The following CSMD1 variants were observed in gnomAD, a reference collection of about 807,000 sequenced individuals.
CSMD1 encodes the protein CUB and Sushi multiple domains 1.
A neutral mutation model predicts 417.5 loss-of-function variants in CSMD1; 213 were observed. The ratio of observed to expected loss-of-function variants is 0.51; its 90% confidence interval spans 0.46 to 0.57. CSMD1 has a LOEUF of 0.57. Ranked by LOEUF, CSMD1 falls within the 20% of genes least tolerant of loss-of-function variation. CSMD1 has a pLI of 0.00. For missense variants in CSMD1, 6,923 were observed against 4,529.7 expected (o/e 1.53, Z -15.17); for synonymous variants, 2,862 against 1,736.8 (o/e 1.65, Z -16.11).
chr8:3,076,390 A>AGGACACCAGCCAC (rs375523321), intron 49 of CSMD1, among the ~76,000 whole-genome samples: 2 of 152,152 alleles, frequency 1.3e-5, no homozygotes, highest in Admixed American at 6.5e-5. Context: ...CTCTGTAAAG[A>AGGACACCAGCCAC]AAGACCCTGT....
intron 11 of CSMD1, among the ~76,000 whole-genome samples, chr8:3,483,651 T>C (rs1348946722): frequency 6.6e-6 from 1 of 152,082 alleles, no homozygotes; most frequent in African/African-American, 2.4e-5. Context: ...AGTATTCAAC[T>C]GATACCAAAG....
At chr8:4,068,766 T>C (rs1799391066) in intron 3 of CSMD1, among the ~76,000 whole-genome samples, 1 of 152,226 alleles carries the variant, frequency 6.6e-6, no homozygotes, top group Admixed American at 6.5e-5. Flanking sequence ...ATAATGATTT[T>C]CTGAACAGAT....
At chr8:3,287,745 C>T (rs1021982865) in intron 25 of CSMD1, among the ~76,000 whole-genome samples, 1 of 152,080 alleles carries the variant, frequency 6.6e-6, no homozygotes, top group South Asian at 2.1e-4. Context: ...ACGTCATCTG[C>T]CAACAGGGAC....
rs188023152 is a variant in CSMD1 at position 4,341,829 on chromosome 8, A to G, written c.415+78124T>C. 6.8e-4 allele frequency among the ~76,000 whole-genome samples: 103 copies of G among 152,262 alleles called. 2 individuals carry two copies. Among genetic ancestry groups the G allele is most frequent in the Admixed American group, 6.5e-3 (100 of 15,276 alleles). Reference sequence around the variant, plus strand: ...CACATGACTTAACGAGCACATCTGCATAATAACAGAAGGATGCTTCACCCA... The same window carrying G: ...CACATGACTTAACGAGCACATCTGCGTAATAACAGAAGGATGCTTCACCCA... On this transcript the variant is annotated intron_variant, in intron 3 of 69. Transcript: ENST00000635120.
At chr8:4,111,796 G>C (rs187154384) in intron 3 of CSMD1, among the ~76,000 whole-genome samples, 2 of 152,216 alleles carry the variant, frequency 1.3e-5, no homozygotes, top group South Asian at 2.1e-4. Flanking sequence ...GAGAGCATCA[G>C]GATAAATAGC....
chr8:4,300,508 G>A (rs537681831), intron 3 of CSMD1, among the ~76,000 whole-genome samples: 1 of 152,258 alleles, frequency 6.6e-6, no homozygotes, highest in South Asian at 2.1e-4. Context: ...TTAACTGAAG[G>A]AAATGTCCTT....
At chr8:3,028,267 G>C (rs1046639186) in intron 51 of CSMD1, among the ~76,000 whole-genome samples, 1 of 152,184 alleles carries the variant, frequency 6.6e-6, no homozygotes, top group Non-Finnish European at 1.5e-5. Context: ...CTCCTTACCG[G>C]TGCTAATGCT....
intron 26 of CSMD1, among the ~76,000 whole-genome samples, chr8:3,240,382 A>T (rs1799419029): frequency 6.6e-6 from 1 of 151,966 alleles, no homozygotes; most frequent in African/African-American, 2.4e-5. Flanking sequence ...TGGCAAAACC[A>T]GGTATCTAAA....
rs1563435226 is a variant in CSMD1, at chr8:4,312,423, G to GCATATATATACGCATATATATATA, written c.415+107529_415+107530insTATATATATATGCGTATATATATG. Among the ~76,000 whole-genome samples, 91 of 105,088 alleles carry GCATATATATACGCATATATATATA rather than the reference G, an allele frequency of 8.7e-4. 6 individuals carry two copies. The highest frequency in any genetic ancestry group is 6.7e-3 in the African/African-American group (86 of 12,812). The allele number at this position is 105,088 out of a possible 152,430, so 68.9% of individuals were successfully genotyped here. On this transcript the variant is annotated intron_variant, in intron 3 of 69. Coordinates refer to ENST00000635120, the MANE Select transcript of CSMD1 (RefSeq NM_033225.6). Reference sequence around the variant, plus strand: ...CATATATATGCGTGTATATATATGCGCGTATATATATATGCGTATATATAT... The same window carrying GCATATATATACGCATATATATATA: ...CATATATATGCGTGTATATATATGCGCATATATATACGCATATATATATACGTATATATATATGCGTATATATAT...
At chr8:3,374,953 G>A (rs967355989) in intron 18 of CSMD1, among the ~76,000 whole-genome samples, 13 of 152,148 alleles carry the variant, frequency 8.5e-5, no homozygotes, top group Admixed American at 8.5e-4. Flanking sequence ...ATGGGAGGAG[G>A]GCGGCAGTTG....
chr8:3,274,303 C>T (rs1407887890), intron 26 of CSMD1, among the ~76,000 whole-genome samples: 8 of 152,056 alleles, frequency 5.3e-5, no homozygotes, highest in African/African-American at 1.7e-4. Context: ...CAGTTTGTTA[C>T]AATTTCTGTT....
chr8:3,771,385 A>T (rs1584972141), intron 5 of CSMD1, among the ~76,000 whole-genome samples: 1 of 152,182 alleles, frequency 6.6e-6, no homozygotes, highest in East Asian at 1.9e-4. Context: ...CTGCAAAAAG[A>T]GTTTACAAAG....
At position 3,896,872 on chromosome 8, in the gene CSMD1, G is replaced by C. The variant is rs527364586; in HGVS notation, c.818+101031C>G. ...AGGAAAAAAATTTTAAAAAGCGCTTGTCTATCACCTAATTCTATTTGATGT... is the reference window on the plus strand; with the variant it reads ...AGGAAAAAAATTTTAAAAAGCGCTTCTCTATCACCTAATTCTATTTGATGT... On this transcript the variant is annotated intron_variant, in intron 5 of 69. Coordinates refer to ENST00000635120, the MANE Select transcript of CSMD1 (RefSeq NM_033225.6). Among the ~76,000 whole-genome samples the C allele has an allele frequency of 2.6e-5, 4 of 151,978 alleles. No individual in the cohort carries two copies. In the South Asian group the frequency reaches 6.2e-4, roughly 24 times the overall value.
intron 1 of CSMD1, among the ~76,000 whole-genome samples, chr8:4,955,228 A>C (rs569436245): frequency 2.0e-4 from 31 of 152,304 alleles, no homozygotes; most frequent in African/African-American, 7.0e-4. Flanking sequence ...AGTTTTCAGA[A>C]ATGTTGCAAT....
At chr8:3,021,785 A>ACAG (rs1809427110) in intron 51 of CSMD1, among the ~76,000 whole-genome samples, 1 of 149,000 alleles carries the variant, frequency 6.7e-6, no homozygotes, top group Non-Finnish European at 1.5e-5. Context: ...CTGCAATCCC[A>ACAG]CATCCATAGC....
intron 3 of CSMD1, among the ~76,000 whole-genome samples, chr8:4,167,425 G>C (rs1025287067): frequency 6.6e-6 from 1 of 152,076 alleles, no homozygotes; most frequent in Non-Finnish European, 1.5e-5. Flanking sequence ...AAAAGAAATG[G>C]TAATAGAAAT....
chr8:4,522,693 A>G (rs1328286254), intron 2 of CSMD1, among the ~76,000 whole-genome samples: 1 of 152,070 alleles, frequency 6.6e-6, no homozygotes, highest in Non-Finnish European at 1.5e-5. Flanking sequence ...ATCTGTTATC[A>G]TCTCACTTTA....
intron 25 of CSMD1, among the ~76,000 whole-genome samples, chr8:3,285,105 C>G (rs576324149): frequency 2.6e-5 from 4 of 152,094 alleles, no homozygotes; most frequent in Non-Finnish European, 5.9e-5. Flanking sequence ...ATTAGCAGCC[C>G]TGAATGGGTC....
intron 12 of CSMD1, among the ~76,000 whole-genome samples, chr8:3,427,116 C>G (rs1813894593): frequency 1.3e-5 from 2 of 152,134 alleles, no homozygotes; most frequent in Non-Finnish European, 2.9e-5. Flanking sequence ...TCTACTTGGC[C>G]TCTCCTTTGA....
Sources: gnomAD v4.1 joint callset for allele counts (sites outside exome capture counted in the v4.1 genomes callset) on GRCh38, gnomAD v4.1.1 for gene constraint, MANE v1.5 for transcripts, NCBI Gene and HGNC (gene_info 2026-07-23, HGNC 2026-07-21) for gene names.